Variants in ANK2 observed in about 807,000 individuals in gnomAD.
ANK2 encodes ankyrin-2.
In ANK2, 83 loss-of-function variants were observed where a neutral mutation model predicts 360.5. The ratio of observed to expected loss-of-function variants is 0.23; its 90% CI spans 0.19 to 0.28. ANK2 has a LOEUF of 0.28. Ranked by LOEUF, ANK2 falls within the 10% of genes least tolerant of loss-of-function variation. The probability of loss-of-function intolerance (pLI) is 1.00; values close to 1 mark genes in which losing one functional copy is unlikely to be tolerated. For synonymous variants in ANK2, 1,740 were observed against 1,759.5 expected, an observed-to-expected ratio of 0.99 and a Z score of 0.28; for missense variants, 4,201 against 4,795.7, an observed-to-expected ratio of 0.88 and a Z score of 3.66.
At chr4:112,963,112 C>T (rs929751196) in intron 2 of ANK2, among the ~76,000 whole-genome samples, 8 of 152,092 alleles carry the variant, frequency 5.3e-5, no homozygotes, top group South Asian at 2.1e-4. Flanking sequence ...ACCCCATTGT[C>T]GTGGTGATAT....
intron 5 of ANK2, among the ~76,000 whole-genome samples, chr4:113,233,476 A>G (rs2099346659): frequency 6.6e-6 from 1 of 152,210 alleles, no homozygotes; most frequent in East Asian, 1.9e-4. Flanking sequence ...ATAAAATTTC[A>G]AAACTCCTGG....
intron 1 of ANK2, among the ~76,000 whole-genome samples, chr4:113,154,048 C>T (rs2097187515): frequency 6.6e-6 from 1 of 152,112 alleles, no homozygotes. Context: ...CAGGTTAATT[C>T]AATGTATTGC....
chr4:112,819,339 T>G (rs1292302055), intron 1 of ANK2, among the ~76,000 whole-genome samples: 1 of 152,228 alleles, frequency 6.6e-6, no homozygotes, highest in Non-Finnish European at 1.5e-5. Flanking sequence ...AGGCTATGTC[T>G]TTAAGCATTG....
At chr4:113,299,868 A>T (rs1342212369) in intron 22 of ANK2, among the ~76,000 whole-genome samples, 1 of 152,140 alleles carries the variant, frequency 6.6e-6, no homozygotes, top group Non-Finnish European at 1.5e-5. Flanking sequence ...AACCTTTAAA[A>T]AATACCCTGG....
At chr4:113,280,579 A>G (rs548439198) in intron 17 of ANK2, among the ~76,000 whole-genome samples, 15 of 152,250 alleles carry the variant, frequency 9.9e-5, no homozygotes, top group African/African-American at 2.9e-4. Flanking sequence ...TGCTCATTAT[A>G]ATGTCTCCTC....
chr4:113,273,214 G>T (rs775385098), intron 14 of ANK2, among the ~76,000 whole-genome samples: 22 of 152,098 alleles, frequency 1.4e-4, no homozygotes, highest in Non-Finnish European at 2.9e-4. Context: ...AGTAACCTTG[G>T]ACAATCTTTG....
intron 45 of ANK2, among the ~76,000 whole-genome samples, chr4:113,380,048 T>C (rs144440489): frequency 1.3e-5 from 2 of 152,316 alleles, no homozygotes; most frequent in Non-Finnish European, 2.9e-5. Context: ...AATTCTGTTA[T>C]TTTTTGTTTG....
At position 113,369,648 on chromosome 4, in the gene ANK2, G is replaced by T. The variant is rs754056434; in HGVS notation, c.11453G>T (p.Ser3818Ile). The change falls in exon 43 of 46, where the codon AGC (serine) becomes ATC (isoleucine). Residue 3818 changes from serine to isoleucine, a missense_variant. This residue lies in a region of ANK2 where 2,642 missense variants were observed against 2,714.5 expected (regional missense o/e 0.97). Coordinates refer to ENST00000357077, the MANE Select transcript of ANK2 (RefSeq NM_001148.6). ...CTGTACCTCCAGACCCCAACATCCA[G>T]CGAGCGGGGAGGCTCTCCCATCATA... ...EKLYLQTPTS[S>I]ERGGSPIIQE... 1 of 1,614,098 alleles carries T rather than the reference G, an allele frequency of 6.2e-7. No homozygotes were observed. Among genetic ancestry groups the T allele is most frequent in the Admixed American group, 1.7e-5 (1 of 60,012 alleles).
At chr4:112,831,679 T>C (rs1209310277) in intron 1 of ANK2, among the ~76,000 whole-genome samples, 3 of 152,210 alleles carry the variant, frequency 2.0e-5, no homozygotes, top group Admixed American at 2.0e-4. Flanking sequence ...TCCTCTTTCA[T>C]GCTGTGGAAG....
chr4:113,363,997 C>T (rs945606544), intron 40 of ANK2, among the ~76,000 whole-genome samples: 3 of 152,138 alleles, frequency 2.0e-5, no homozygotes, highest in Non-Finnish European at 4.4e-5. Context: ...ATGGTAATTA[C>T]ACAAATGCAT....
intron 1 of ANK2, among the ~76,000 whole-genome samples, chr4:113,110,378 G>C (rs1172227059): frequency 6.6e-6 from 1 of 152,052 alleles, no homozygotes; most frequent in Non-Finnish European, 1.5e-5. Context: ...ATGAGATTTG[G>C]GTGGTCAAAC....
At chr4:112,952,271 G>C (rs2095071595) in intron 2 of ANK2, among the ~76,000 whole-genome samples, 1 of 152,182 alleles carries the variant, frequency 6.6e-6, no homozygotes, top group Non-Finnish European at 1.5e-5. Context: ...TGTAGTAAAT[G>C]TAGTAAAATA....
chr4:113,318,562 A>T lies in ANK2; in HGVS notation c.2842A>T (p.Ser948Cys). 6.2e-7 allele frequency: 1 copy of T among 1,613,892 alleles called. No individual in the cohort carries two copies. Among genetic ancestry groups the T allele is most frequent in the Non-Finnish European group, 8.5e-7 (1 of 1,179,864 alleles). Residue 948 changes from serine (S) to cysteine (C), a missense_variant, in exon 26 of 46, where the codon AGC becomes TGC. Transcript: ENST00000357077. ...GGCAGAAAGGAATTCTTATCGCCTA[A>T]GCTGGGGCACTGAGAACTTAGACAA... ...KEAERNSYRL[S>C]WGTENLDNVA... is the part of the protein sequence containing the mutation.
chr4:112,903,674 CA>C, intron 1 of ANK2, among the ~76,000 whole-genome samples: 1 of 152,236 alleles, frequency 6.6e-6, no homozygotes, highest in Non-Finnish European at 1.5e-5. Context: ...TGTAATATAA[CA>C]AGATTTTGGC....
chr4:112,945,769 C>T (rs1456371668), intron 2 of ANK2, among the ~76,000 whole-genome samples: 1 of 152,146 alleles, frequency 6.6e-6, no homozygotes, highest in East Asian at 1.9e-4. Flanking sequence ...TTATAATGCC[C>T]ATTTTACACA....
intron 1 of ANK2, among the ~76,000 whole-genome samples, chr4:113,165,461 A>G (rs1295759708): frequency 9.9e-5 from 15 of 152,194 alleles, no homozygotes; most frequent in Admixed American, 5.2e-4. Flanking sequence ...TAGTCAACAT[A>G]GGACTTGTAT....
intron 2 of ANK2, among the ~76,000 whole-genome samples, chr4:113,028,983 A>T (rs1210548866): frequency 6.6e-6 from 1 of 152,070 alleles, no homozygotes; most frequent in South Asian, 2.1e-4. Flanking sequence ...TTGGAATAAC[A>T]TGTTGCTACG....
rs896209085 is a variant in ANK2 at position 112,959,657 on chromosome 4, T to C, written c.21+55143T>C. Among the ~76,000 whole-genome samples, 9 of 152,310 alleles carry C rather than the reference T, an allele frequency of 5.9e-5. No individual in the cohort carries two copies. The South Asian group carries it at 1.2e-3, about 21-fold the overall frequency. ...TTATGACCAGAATTCCTACCTTAAATGTATTGATGTGTAGGAATATATGTA... is the reference window on the plus strand; with the variant it reads ...TTATGACCAGAATTCCTACCTTAAACGTATTGATGTGTAGGAATATATGTA... On this transcript the variant is annotated intron_variant, in intron 2 of 30. Transcript: ENST00000503271.
chr4:112,728,528 A>G, the ANK2 span, among the ~76,000 whole-genome samples: 1 of 151,972 alleles, frequency 6.6e-6, no homozygotes, highest in Non-Finnish European at 1.5e-5. Context: ...AGGTAGGATG[A>G]TCGCTTGAGA....
Sources: gnomAD v4.1 joint callset for allele counts (sites outside exome capture counted in the v4.1 genomes callset) on GRCh38, gnomAD v4.1.1 for gene constraint, gnomAD v4.1.1 regional missense constraint, MANE v1.5 for transcripts, NCBI Gene and HGNC (gene_info 2026-07-23, HGNC 2026-07-21) for gene names.